SOX5: variants seen among roughly 807,000 people sequenced by gnomAD.
The protein encoded by SOX5 is SRY-box transcription factor 5.
SOX5 carries 9 observed loss-of-function variants against 92.0 expected under a neutral mutation model. That is an observed-to-expected ratio of 0.10 (90% CI 0.06 to 0.17). The LOEUF (loss-of-function observed/expected upper bound fraction) is 0.17. SOX5 is among the 10% of genes least tolerant of loss of function. SOX5 has a pLI of 1.00. For missense variants in SOX5, 642 were observed against 944.5 expected (o/e 0.68, Z 4.20); for synonymous variants, 344 against 336.3 (o/e 1.02, Z -0.25).
chr12:24,002,792 A>T (rs1012793282), intron 4 of SOX5, among the ~76,000 whole-genome samples: 42 of 152,114 alleles, frequency 2.8e-4, no homozygotes, highest in African/African-American at 9.7e-4. Flanking sequence ...TACAAAAAAT[A>T]GAAGACTAAG....
chr12:23,618,563 A>G (rs1463174279), intron 8 of SOX5, among the ~76,000 whole-genome samples: 1 of 152,194 alleles, frequency 6.6e-6, no homozygotes, highest in African/African-American at 2.4e-5. Flanking sequence ...CTTGAAACAC[A>G]TAAGGGGAGG....
At position 23,887,908 on chromosome 12, in the gene SOX5, A is replaced by AGTGTGT. The variant is rs1169542903; in HGVS notation, c.270+7879_270+7884dup. Among the ~76,000 whole-genome samples, 731 of 105,940 alleles carry AGTGTGT rather than the reference A, an allele frequency of 6.9e-3. 3 individuals are homozygous for AGTGTGT. The highest frequency in any genetic ancestry group is 0.016 in the South Asian group (46 of 2,902). The allele number at this position is 105,940 out of a possible 152,430, so 69.5% of individuals were successfully genotyped here. The stretch of plus-strand genomic sequence containing the variant: ...ACCTTGAATTGATGGTAATTGGTCC[A>AGTGTGT]GTGTGTATATGTGTGTGTGTGTGTG... On this transcript the variant is annotated intron_variant, in intron 2 of 14. Transcript: ENST00000451604.
At chr12:23,742,789 C>T (rs374166990) in intron 4 of SOX5, among the ~76,000 whole-genome samples, 22 of 152,160 alleles carry the variant, frequency 1.4e-4, no homozygotes, top group East Asian at 7.7e-4. Context: ...GCCAAGAGTT[C>T]GAGACCAGAC....
rs1250716779 is a variant in SOX5 at position 23,740,873 on chromosome 12, T to C, written c.735A>G (p.Gln245=). Residue 245 remains glutamine (Q), a synonymous_variant, in exon 5 of 15, where the codon CAA becomes CAG. Transcript: ENST00000451604. ...ATCGCTAGTTCTTACTCACTTGTTC[T>C]TGTTGCTGCTTGGCCAGCTCCATTT... ...RQQMELAKQQ[Q]EQIARQQQQL... is the part of the protein sequence containing the mutation. 3 of 1,610,280 alleles carry C rather than the reference T, an allele frequency of 1.9e-6. No individual in the cohort carries two copies. Among genetic ancestry groups the C allele is most frequent in the Admixed American group, 1.7e-5 (1 of 59,848 alleles).
At chr12:23,668,773 T>G (rs764221985) in intron 6 of SOX5, among the ~76,000 whole-genome samples, 2 of 152,132 alleles carry the variant, frequency 1.3e-5, no homozygotes, top group Admixed American at 6.6e-5. Flanking sequence ...AGAGGCTACT[T>G]CCTATATTTT....
chr12:24,062,437 G>T (rs1016946640), intron 4 of SOX5, among the ~76,000 whole-genome samples: 3 of 152,198 alleles, frequency 2.0e-5, no homozygotes, highest in African/African-American at 7.2e-5. Flanking sequence ...TGGACTACTG[G>T]TCAAATATCA....
intron 6 of SOX5, among the ~76,000 whole-genome samples, chr12:23,688,949 T>C (rs2088190892): frequency 6.6e-6 from 1 of 152,142 alleles, no homozygotes; most frequent in Non-Finnish European, 1.5e-5. Context: ...GGAATTTTTG[T>C]ACAACTTTTC....
intron 3 of SOX5, among the ~76,000 whole-genome samples, chr12:23,785,869 T>C (rs1220076133): frequency 5.3e-5 from 8 of 152,128 alleles, no homozygotes; most frequent in Non-Finnish European, 1.0e-4. Context: ...AGAAGAATTA[T>C]AGTTTTTTTA....
intron 3 of SOX5, among the ~76,000 whole-genome samples, chr12:24,214,685 A>G (rs1037068872): frequency 6.6e-6 from 1 of 152,104 alleles, no homozygotes; most frequent in Non-Finnish European, 1.5e-5. Flanking sequence ...GCAGGTCAGT[A>G]TTTTAATGAC....
chr12:23,931,843 T>C (rs1284983571), intron 1 of SOX5, among the ~76,000 whole-genome samples: 1 of 151,576 alleles, frequency 6.6e-6, no homozygotes, highest in Non-Finnish European at 1.5e-5. Context: ...TGTCATGTTA[T>C]TACACGGACT....
intron 1 of SOX5, among the ~76,000 whole-genome samples, chr12:24,474,185 T>A (rs1318305754): frequency 6.6e-6 from 1 of 152,194 alleles, no homozygotes; most frequent in Non-Finnish European, 1.5e-5. Flanking sequence ...AATAAAACAA[T>A]GAGATTTTAT....
At position 23,676,155 on chromosome 12, in the gene SOX5, CATG is replaced by C. The variant is rs1413698523; in HGVS notation, c.811-10594_811-10592del. On this transcript the variant is annotated intron_variant, in intron 6 of 14. Coordinates refer to ENST00000451604, the MANE Select transcript of SOX5 (RefSeq NM_006940.6). ...ACAAATCTAGAGATCTAATGTACAGCATGAGAGCGATAATTAATAAAATTATAT... is the reference window on the plus strand; with the variant it reads ...ACAAATCTAGAGATCTAATGTACAGCAGAGCGATAATTAATAAAATTATAT... 9.9e-5 allele frequency among the ~76,000 whole-genome samples: 15 copies of C among 152,022 alleles called. No homozygotes were observed. The East Asian group carries it at 2.7e-3, about 27-fold the overall frequency.
chr12:23,574,325 A>C (rs1326718614), intron 10 of SOX5, among the ~76,000 whole-genome samples: 1 of 152,052 alleles, frequency 6.6e-6, no homozygotes, highest in Non-Finnish European at 1.5e-5. Flanking sequence ...CTTCCTGAAC[A>C]CCTCTACCTA....
rs1400820147 is a variant in SOX5, at chr12:24,105,964, A to C, written c.-2+107379T>G. On this transcript the variant is annotated intron_variant, in intron 4 of 4. Coordinates refer to the SOX5 transcript ENST00000446891. ...TAATACTTTAGAATATCTTCCTTAC[A>C]AACGTGTTGAAGGAAATACAGTAGC... Among the ~76,000 whole-genome samples the C allele has an allele frequency of 3.3e-5, 5 of 152,322 alleles. No individual in the cohort carries two copies. In the East Asian group the frequency reaches 7.7e-4, roughly 23 times the overall value.
rs905654208 is a variant in SOX5, at chr12:23,666,831, T to A, written c.811-1267A>T. ...AAAGAAACAAATACACAAAGATAAT[T>A]ACATATTTATTCAGTCACTAATCCT... On this transcript the variant is annotated intron_variant, in intron 6 of 14. Coordinates refer to ENST00000451604, the MANE Select transcript of SOX5 (RefSeq NM_006940.6). Among the ~76,000 whole-genome samples, 6 of 152,118 alleles carry A rather than the reference T, an allele frequency of 3.9e-5. No individual in the cohort carries two copies. The South Asian group carries it at 8.3e-4, about 21-fold the overall frequency.
intron 3 of SOX5, among the ~76,000 whole-genome samples, chr12:24,230,970 A>T (rs548103760): frequency 1.8e-4 from 28 of 152,370 alleles, no homozygotes; most frequent in Middle Eastern, 3.4e-3. Context: ...CCTGACTAGT[A>T]AAGTACTTGG....
chr12:23,747,961 TAAAA>T (rs35270726), intron 4 of SOX5, among the ~76,000 whole-genome samples: 2 of 140,156 alleles, frequency 1.4e-5, no homozygotes, highest in Non-Finnish European at 3.1e-5. Flanking sequence ...TGAAAGAGAT[TAAAA>T]AAAAAAAAAA....
At chr12:23,892,474 G>T (rs141651795) in intron 2 of SOX5, among the ~76,000 whole-genome samples, 51 of 152,206 alleles carry the variant, frequency 3.4e-4, no homozygotes, top group Non-Finnish European at 6.6e-4. Context: ...GCTAAGAAAA[G>T]GTGTTTTGGA....
At chr12:24,325,212 A>G (rs929150564) in intron 2 of SOX5, among the ~76,000 whole-genome samples, 7 of 152,142 alleles carry the variant, frequency 4.6e-5, no homozygotes, top group African/African-American at 9.7e-5. Context: ...AAAGTTATAC[A>G]CACTAAAATT....
Sources: gnomAD v4.1 joint callset for allele counts (sites outside exome capture counted in the v4.1 genomes callset) on GRCh38, gnomAD v4.1.1 for gene constraint, MANE v1.5 for transcripts, NCBI Gene and HGNC (gene_info 2026-07-23, HGNC 2026-07-21) for gene names.